The following SLC12A1 variants were observed in gnomAD, a reference collection of about 807,000 sequenced individuals.
The protein encoded by SLC12A1 is solute carrier family 12 member 1.
A neutral mutation model predicts 130.4 loss-of-function variants in SLC12A1; 89 were observed. That is an observed-to-expected ratio of 0.68 (90% CI 0.58 to 0.81). The LOEUF (loss-of-function observed/expected upper bound fraction) is 0.81, where lower values mean the gene tolerates loss of function less well. SLC12A1 is among the 40% of genes least tolerant of loss of function. SLC12A1 has a pLI of 0.00. For synonymous variants in SLC12A1, 499 were observed against 460.0 expected (o/e 1.08, Z -1.09); for missense variants, 1,310 against 1,336.4 (o/e 0.98, Z 0.31).
intron 11 of SLC12A1, among the ~76,000 whole-genome samples, chr15:48,245,881 C>T (rs181725137): frequency 2.2e-4 from 33 of 152,274 alleles, no homozygotes; most frequent in African/African-American, 6.3e-4. Context: ...TAGACAAAGC[C>T]TTTGAGGTGG....
intron 19 of SLC12A1, among the ~76,000 whole-genome samples, chr15:48,270,212 G>T (rs972116618): frequency 1.3e-5 from 2 of 152,120 alleles, no homozygotes; most frequent in African/African-American, 4.8e-5. Context: ...TATGCCAGGT[G>T]CTTCTGCTAC....
intron 16 of SLC12A1, among the ~76,000 whole-genome samples, chr15:48,256,833 C>CA (rs1555384116): frequency 1.4e-5 from 2 of 147,344 alleles, no homozygotes; most frequent in Non-Finnish European, 1.5e-5. Context: ...CCCCCCCCCC[C>CA]AAATTTCTTG....
At chr15:48,244,484 G>A (rs1395478149) in intron 10 of SLC12A1, among the ~76,000 whole-genome samples, 1 of 152,134 alleles carries the variant, frequency 6.6e-6, no homozygotes, top group Non-Finnish European at 1.5e-5. Context: ...CAAGTTTTAA[G>A]AGATAAGAAA....
At chr15:48,231,909 GC>G (rs1481721659) in intron 7 of SLC12A1, among the ~76,000 whole-genome samples, 1 of 152,150 alleles carries the variant, frequency 6.6e-6, no homozygotes, top group African/African-American at 2.4e-5. Flanking sequence ...TACTCAGGAG[GC>G]TGAGGCAGGA....
chr15:48,280,262 T>A (rs2041997455), intron 20 of SLC12A1, among the ~76,000 whole-genome samples: 2 of 151,890 alleles, frequency 1.3e-5, no homozygotes, highest in Admixed American at 6.6e-5. Flanking sequence ...CTGGGTACCA[T>A]ATAATCGATT....
chr15:48,209,636 A>G (rs2041028895), intron 2 of SLC12A1, among the ~76,000 whole-genome samples: 1 of 152,070 alleles, frequency 6.6e-6, no homozygotes, highest in South Asian at 2.1e-4. Flanking sequence ...GATCATCCAC[A>G]CCCGAGAGTC....
chr15:48,249,890 G>A (rs1215612566), intron 14 of SLC12A1, among the ~76,000 whole-genome samples: 1 of 152,130 alleles, frequency 6.6e-6, no homozygotes, highest in Non-Finnish European at 1.5e-5. Flanking sequence ...CAACCAGAAA[G>A]TCAATTTTCT....
intron 9 of SLC12A1, among the ~76,000 whole-genome samples, chr15:48,240,105 A>G (rs1862376944): frequency 7.4e-6 from 1 of 135,470 alleles, no homozygotes; most frequent in African/African-American, 3.0e-5. Flanking sequence ...ATATATATAT[A>G]TATATCCATA....
At chr15:48,285,805 G>A (rs2042050629) in intron 21 of SLC12A1, among the ~76,000 whole-genome samples, 1 of 152,190 alleles carries the variant, frequency 6.6e-6, no homozygotes, top group South Asian at 2.1e-4. Context: ...GCAGTCCTGG[G>A]ACAAAGGATC....
At chr15:48,251,831 A>G (rs992225575) in intron 15 of SLC12A1, 61 bp downstream of exon 15, 1 of 1,484,232 alleles carries the variant, frequency 6.7e-7, no homozygotes, top group Non-Finnish European at 9.3e-7. Flanking sequence ...TCATTTATTA[A>G]GCATTTATTG....
intron 2 of SLC12A1, among the ~76,000 whole-genome samples, chr15:48,208,749 G>C (rs1351471787): frequency 6.6e-6 from 1 of 152,168 alleles, no homozygotes; most frequent in Non-Finnish European, 1.5e-5. Flanking sequence ...TACCAAGCTG[G>C]TTTCACGTCA....
At chr15:48,206,569 T>G (rs750880086) in intron 1 of SLC12A1, among the ~76,000 whole-genome samples, 15 of 152,220 alleles carry the variant, frequency 9.9e-5, no homozygotes, top group African/African-American at 2.4e-5. Flanking sequence ...AGTTTTTATT[T>G]ATATTTATCT....
At chr15:48,260,381 C>CACAT (rs1437957565) in intron 17 of SLC12A1, among the ~76,000 whole-genome samples, 6 of 149,144 alleles carry the variant, frequency 4.0e-5, no homozygotes, top group Non-Finnish European at 8.9e-5. Context: ...CACACACACA[C>CACAT]ACCACTGAAA....
In SLC12A1 at chr15:48,207,706, A is replaced by C; in HGVS notation, c.-14A>C. On this transcript the variant is annotated 5_prime_UTR_variant, in exon 2 of 27. Coordinates refer to ENST00000380993, the MANE Select transcript of SLC12A1 (RefSeq NM_000338.3). ...CACAAAGTAGATAGCTCAGTAAAAA[A>C]TCAATTTTGGAAGATGTCACTGAAC... 3.3e-6 allele frequency: 5 copies of C among 1,535,740 alleles called. No individual in the cohort carries two copies. The highest frequency in any genetic ancestry group is 4.4e-6 in the Non-Finnish European group (5 of 1,145,414).
chr15:48,273,479 C>A (rs1436500917), intron 19 of SLC12A1, among the ~76,000 whole-genome samples: 1 of 152,318 alleles, frequency 6.6e-6, no homozygotes, highest in Non-Finnish European at 1.5e-5. Flanking sequence ...GAAGTACACT[C>A]ACAGGTTCCA....
intron 2 of SLC12A1, among the ~76,000 whole-genome samples, chr15:48,214,021 G>A (rs1484636542): frequency 1.3e-5 from 2 of 152,086 alleles, no homozygotes; most frequent in Non-Finnish European, 2.9e-5. Flanking sequence ...GTTCAAATTT[G>A]CAACTTTAGC....
chr15:48,274,040 T>G (rs901297867), intron 19 of SLC12A1, among the ~76,000 whole-genome samples: 1 of 152,216 alleles, frequency 6.6e-6, no homozygotes. Flanking sequence ...AGAGCCAGTA[T>G]GTAGAGTTGC....
chr15:48,288,879 T>A (rs1034685998), intron 23 of SLC12A1, among the ~76,000 whole-genome samples: 1 of 152,164 alleles, frequency 6.6e-6, no homozygotes, highest in Non-Finnish European at 1.5e-5. Context: ...CAGTTGCTTT[T>A]TCTGTGGGAA....
chr15:48,248,968 C>T (rs200691458), intron 13 of SLC12A1, among the ~76,000 whole-genome samples: 8 of 152,198 alleles, frequency 5.3e-5, no homozygotes, highest in East Asian at 3.9e-4. Flanking sequence ...CGCTTGAACC[C>T]GGGAGGCAGA....
Sources: gnomAD v4.1 joint callset for allele counts (sites outside exome capture counted in the v4.1 genomes callset) on GRCh38, gnomAD v4.1.1 for gene constraint, MANE v1.5 for transcripts, NCBI Gene and HGNC (gene_info 2026-07-23, HGNC 2026-07-21) for gene names.